Variants in STPG2 observed in about 807,000 individuals in gnomAD.
STPG2 encodes sperm tail PG-rich repeat containing 2, also known as sperm-tail PG-rich repeat-containing protein 2.
STPG2 carries 56 observed loss-of-function variants against 54.2 expected under a neutral mutation model. That is an observed-to-expected ratio of 1.03 (90% CI 0.83 to 1.29). The LOEUF is 1.29. Ranked by LOEUF, STPG2 falls within the 50% of genes most tolerant of loss-of-function variation. The probability of loss-of-function intolerance (pLI) is 0.00; values close to 1 mark genes in which losing one functional copy is unlikely to be tolerated. For synonymous variants in STPG2, 200 were observed against 181.8 expected (o/e 1.10, Z -0.81); for missense variants, 596 against 544.9 (o/e 1.09, Z -0.93).
intron 9 of STPG2, among the ~76,000 whole-genome samples, chr4:97,733,309 G>A (rs1724867200): frequency 6.6e-6 from 1 of 152,000 alleles, no homozygotes; most frequent in Non-Finnish European, 1.5e-5. Context: ...GGAGCTGGAG[G>A]CAATTACTCT....
intron 5 of STPG2, among the ~76,000 whole-genome samples, chr4:98,069,116 G>T (rs906604674): frequency 3.9e-5 from 6 of 151,904 alleles, no homozygotes; most frequent in Admixed American, 2.0e-4. Context: ...ATATGAGTAT[G>T]TTTGTGCAAT....
At chr4:98,087,724 C>T (rs956171661) in intron 5 of STPG2, among the ~76,000 whole-genome samples, 4 of 152,042 alleles carry the variant, frequency 2.6e-5, no homozygotes, top group Non-Finnish European at 4.4e-5. Flanking sequence ...CTATGCCCGG[C>T]TAATTTTTTG....
intron 10 of STPG2, among the ~76,000 whole-genome samples, chr4:97,701,492 A>C (rs1346738791): frequency 2.6e-5 from 4 of 152,140 alleles, no homozygotes; most frequent in African/African-American, 9.7e-5. Flanking sequence ...CTCCATGGGG[A>C]AGGATGGAAA....
intron 8 of STPG2, among the ~76,000 whole-genome samples, chr4:97,882,240 G>A (rs530741563): frequency 2.0e-5 from 3 of 152,252 alleles, no homozygotes; most frequent in Admixed American, 1.3e-4. Context: ...ATGTTCACAA[G>A]GAATATTAAG....
chr4:97,849,280 C>T (rs1165793719), intron 8 of STPG2, among the ~76,000 whole-genome samples: 4 of 151,902 alleles, frequency 2.6e-5, no homozygotes, highest in African/African-American at 9.7e-5. Flanking sequence ...TGGGAGTTCA[C>T]TCATGATTAA....
chr4:97,913,224 T>A (rs1181970765), intron 8 of STPG2, among the ~76,000 whole-genome samples: 1 of 152,218 alleles, frequency 6.6e-6, no homozygotes, highest in Non-Finnish European at 1.5e-5. Context: ...TTTTTCTTCA[T>A]CTTTATCAAT....
intron 4 of STPG2, among the ~76,000 whole-genome samples, chr4:97,460,137 C>T (rs1418975175): frequency 6.6e-6 from 1 of 152,214 alleles, no homozygotes; most frequent in African/African-American, 2.4e-5. Flanking sequence ...TCCATCAACC[C>T]CCCACTAGTA....
chr4:98,114,737 C>G (rs945760638), intron 3 of STPG2, among the ~76,000 whole-genome samples: 2 of 83,668 alleles, frequency 2.4e-5, no homozygotes, highest in Non-Finnish European at 4.7e-5. Flanking sequence ...CAATTTAAGA[C>G]CCCACAATAA....
At chr4:97,442,883 G>A (rs1034563542) in intron 4 of STPG2, among the ~76,000 whole-genome samples, 1 of 152,020 alleles carries the variant, frequency 6.6e-6, no homozygotes, top group Non-Finnish European at 1.5e-5. Context: ...TGAGTAAATA[G>A]TTACATGGCA....
At chr4:97,937,805 G>C (rs1732801984) in intron 8 of STPG2, among the ~76,000 whole-genome samples, 1 of 152,138 alleles carries the variant, frequency 6.6e-6, no homozygotes, top group Non-Finnish European at 1.5e-5. Flanking sequence ...AATGTCAGTA[G>C]GAACACTCCT....
At chr4:98,027,408 C>T (rs1736458896) in intron 5 of STPG2, among the ~76,000 whole-genome samples, 1 of 152,106 alleles carries the variant, frequency 6.6e-6, no homozygotes, top group Admixed American at 6.6e-5. Flanking sequence ...ACAACAGCAG[C>T]TCAAAGTCTG....
chr4:97,964,023 T>A (rs1733997620), intron 7 of STPG2, among the ~76,000 whole-genome samples: 1 of 152,146 alleles, frequency 6.6e-6, no homozygotes, highest in Non-Finnish European at 1.5e-5. Context: ...AAGAAAAATG[T>A]CTGTAAGTTA....
intron 5 of STPG2, among the ~76,000 whole-genome samples, chr4:98,020,180 G>A (rs1371768224): frequency 7.5e-6 from 1 of 132,964 alleles, no homozygotes; most frequent in Non-Finnish European, 1.6e-5. Context: ...TTATTATTTT[G>A]AGATATGTCC....
intron 10 of STPG2, among the ~76,000 whole-genome samples, chr4:97,661,836 G>A (rs1394085323): frequency 6.6e-6 from 1 of 152,100 alleles, no homozygotes; most frequent in Non-Finnish European, 1.5e-5. Flanking sequence ...TCAAGAACAA[G>A]TATTAGTTGT....
At chr4:97,639,894 A>C (rs1560698896) in intron 10 of STPG2, among the ~76,000 whole-genome samples, 2 of 152,196 alleles carry the variant, frequency 1.3e-5, no homozygotes, top group East Asian at 3.9e-4. Flanking sequence ...AATGGAAGTT[A>C]ATAACTATTT....
chr4:97,760,271 A>G (rs934896680), intron 9 of STPG2, among the ~76,000 whole-genome samples: 2 of 152,186 alleles, frequency 1.3e-5, no homozygotes, highest in African/African-American at 4.8e-5. Flanking sequence ...TAGATTTTAC[A>G]TATCCACCCT....
At position 97,535,203 on chromosome 4, in the gene STPG2, C is replaced by T. The variant is rs369761990; in HGVS notation, c.462+177496G>A. Among the ~76,000 whole-genome samples the T allele has an allele frequency of 2.0e-5, 3 of 152,142 alleles. No individual in the cohort carries two copies. The East Asian group carries it at 5.8e-4, about 29-fold the overall frequency. ...GATATTTAATTTTATAAAATACTGC[C>T]GACTGTTTTTGTTAAGTGGCTGTAT... On this transcript the variant is annotated intron_variant, in intron 4 of 4. Coordinates refer to the STPG2 transcript ENST00000522676.
At chr4:97,888,005 C>T (rs758189474) in intron 8 of STPG2, among the ~76,000 whole-genome samples, 1 of 152,206 alleles carries the variant, frequency 6.6e-6, no homozygotes, top group African/African-American at 2.4e-5. Flanking sequence ...GCAGCTTCCA[C>T]ATGGTATTAA....
At chr4:98,030,159 T>A (rs1341210449) in intron 5 of STPG2, among the ~76,000 whole-genome samples, 1 of 152,224 alleles carries the variant, frequency 6.6e-6, no homozygotes, top group African/African-American at 2.4e-5. Context: ...GCCATCAATA[T>A]ACCAGACTAT....
Sources: gnomAD v4.1 joint callset for allele counts (sites outside exome capture counted in the v4.1 genomes callset) on GRCh38, gnomAD v4.1.1 for gene constraint, MANE v1.5 for transcripts, NCBI Gene and HGNC (gene_info 2026-07-23, HGNC 2026-07-21) for gene names.